PGPEP1: variants seen among roughly 807,000 people sequenced by gnomAD.
PGPEP1 encodes the protein pyroglutamyl-peptidase 1.
A neutral mutation model predicts 24.1 loss-of-function variants in PGPEP1; 15 were observed. The observed-to-expected ratio is 0.62, with a 90% CI of 0.42 to 0.96. The LOEUF (loss-of-function observed/expected upper bound fraction) is 0.96, where lower values mean the gene tolerates loss of function less well. Among genes scored for constraint, PGPEP1 ranks in the 40% least tolerant of loss-of-function variants. The pLI is 0.00. For missense variants in PGPEP1, 242 were observed against 273.4 expected, an observed-to-expected ratio of 0.89 and a Z score of 0.81; for synonymous variants, 122 against 116.4, an observed-to-expected ratio of 1.05 and a Z score of -0.31.
At chr19:18,344,735 G>T (rs1249051191) in intron 2 of PGPEP1, among the ~76,000 whole-genome samples, 1 of 152,148 alleles carries the variant, frequency 6.6e-6, no homozygotes, top group Non-Finnish European at 1.5e-5. Flanking sequence ...TGTTTCTGAA[G>T]ACTTGTGTGT....
At chr19:18,340,781 T>G in intron 1 of PGPEP1, 66 bp downstream of exon 1, 2 of 1,219,152 alleles carry the variant, frequency 1.6e-6, no homozygotes, top group Non-Finnish European at 2.2e-6. Context: ...GCTCCGGGAC[T>G]GCGGGGCCGA....
At chr19:18,344,993 C>T (rs543538197) in intron 2 of PGPEP1, among the ~76,000 whole-genome samples, 2 of 151,990 alleles carry the variant, frequency 1.3e-5, no homozygotes, top group African/African-American at 4.8e-5. Context: ...CTGCAGTTTC[C>T]ACTTTTTGCT....
rs187931140 is a variant in PGPEP1 at position 18,346,131 on chromosome 19, C to T, written c.87+3220C>T. Among the ~76,000 whole-genome samples the T allele has an allele frequency of 5.8e-4, 88 of 152,286 alleles. 1 individual carries two copies. Among genetic ancestry groups the T allele is most frequent in the Non-Finnish European group, 9.6e-4 (65 of 68,026 alleles). On this transcript the variant is annotated intron_variant, in intron 2 of 4. Coordinates refer to ENST00000269919, the MANE Select transcript of PGPEP1 (RefSeq NM_017712.4). ...ACTCCCAAGCCCTCCCGATGTAAACCTCTGCAGACTTTTTTGCGCCAGTAG... is the reference window on the plus strand; with the variant it reads ...ACTCCCAAGCCCTCCCGATGTAAACTTCTGCAGACTTTTTTGCGCCAGTAG...
At chr19:18,358,089 T>G in intron 4 of PGPEP1, 1 of 181,336 alleles carries the variant, frequency 5.5e-6, no homozygotes, top group Non-Finnish European at 1.2e-5. Context: ...GTCCCAGGCC[T>G]CTCTCCTGCA....
At chr19:18,340,801 G>A in intron 1 of PGPEP1, 86 bp downstream of exon 1, 1 of 985,722 alleles carries the variant, frequency 1.0e-6, no homozygotes, top group Non-Finnish European at 1.4e-6. Flanking sequence ...AGAGGGGCAG[G>A]TGCTGGAAGT....
chr19:18,363,371 C>T lies in PGPEP1; in HGVS notation c.438-20C>T, dbSNP rs182355034. 810 of 1,592,682 alleles carry T rather than the reference C, an allele frequency of 5.1e-4. 8 individuals are homozygous for T. Among genetic ancestry groups the T allele is most frequent in the Non-Finnish European group, 4.8e-5 (56 of 1,162,716 alleles). The stretch of plus-strand genomic sequence containing the variant: ...ACCCCGTTTTGGTCTCTCTCTTACC[C>T]GCCACGCCCTGCGGCTTAGATATCT... On this transcript the variant is annotated intron_variant, in intron 4 of 4. Coordinates refer to ENST00000269919, the MANE Select transcript of PGPEP1 (RefSeq NM_017712.4).
chr19:18,361,805 G>A (rs1339327599), intron 4 of PGPEP1: 1 of 985,046 alleles, frequency 1.0e-6, no homozygotes, highest in Non-Finnish European at 1.2e-6. Context: ...GTTTTGCTTT[G>A]CTTTTACGTG....
chr19:18,346,988 C>T (rs1198204040), intron 2 of PGPEP1, among the ~76,000 whole-genome samples: 1 of 148,058 alleles, frequency 6.8e-6, no homozygotes, highest in Non-Finnish European at 1.5e-5. Flanking sequence ...CTCTTTCTGC[C>T]TCTCTCTCTC....
intron 2 of PGPEP1, among the ~76,000 whole-genome samples, chr19:18,351,399 C>T (rs557552162): frequency 5.9e-5 from 9 of 151,510 alleles, no homozygotes; most frequent in East Asian, 2.0e-4. Context: ...CTGAGGCAGG[C>T]GGATCACCTG....
Position 18,355,960 on chromosome 19 carries a change from C to T in PGPEP1, c.153C>T (p.Tyr51=). ...ATGTGTACGAGATTCCGGTTGAGTA[C>T]CAAACAGTCCAGAGACTCATCCCCG... ...DLHVYEIPVE[Y]QTVQRLIPAL... The change falls in exon 3 of 5, where the codon TAC becomes TAT. Residue 51 remains tyrosine, a synonymous_variant. Coordinates refer to ENST00000269919, the MANE Select transcript of PGPEP1 (RefSeq NM_017712.4). The T allele has an allele frequency of 6.2e-7, 1 of 1,613,662 alleles. No individual in the cohort carries two copies. Among genetic ancestry groups the T allele is most frequent in the Non-Finnish European group, 8.5e-7 (1 of 1,179,632 alleles).
At chr19:18,358,732 A>C (rs1971261918) in intron 4 of PGPEP1, among the ~76,000 whole-genome samples, 1 of 151,834 alleles carries the variant, frequency 6.6e-6, no homozygotes, top group African/African-American at 2.4e-5. Flanking sequence ...CTTCTGCTCC[A>C]GGCTACCAAG....
Position 18,365,184 on chromosome 19 carries a change from T to TAG in PGPEP1, c.*1602_*1603dup, listed in dbSNP as rs1971503239. 6.6e-6 allele frequency: 1 copy of TAG among 152,048 alleles called. No individual in the cohort carries two copies. The highest frequency in any genetic ancestry group is 6.6e-5 in the Admixed American group (1 of 15,258). The allele number at this position is 152,048 out of a possible 1,614,324, so 9.4% of individuals were successfully genotyped here. A position where few individuals can be genotyped will look rare whatever the true frequency, so the allele number is the denominator to read the frequency against. ...AGTTCAGCCACATCTTGCTGCCCAT[T>TAG]AGGGAGAGAGGACGACCCCCACAGT... is the stretch of plus-strand genomic sequence containing the variant. On this transcript the variant is annotated 3_prime_UTR_variant, in exon 5 of 5. Coordinates refer to ENST00000269919, the MANE Select transcript of PGPEP1 (RefSeq NM_017712.4).
In PGPEP1 at chr19:18,366,093, G is replaced by T. The variant is rs1971538941; in HGVS notation, c.*2510G>T. ...CTGAAGACTCAGGGGTCACCCAGAG[G>T]TCTGGTGGAAAGCAACTTCAGGTTT... On this transcript the variant is annotated 3_prime_UTR_variant, in exon 5 of 5. Coordinates refer to ENST00000269919, the MANE Select transcript of PGPEP1 (RefSeq NM_017712.4). 6.6e-6 allele frequency: 1 copy of T among 152,144 alleles called. No homozygotes were observed. Among genetic ancestry groups the T allele is most frequent in the Non-Finnish European group, 1.5e-5 (1 of 68,058 alleles). The allele number at this position is 152,144 out of a possible 1,614,324, so 9.4% of individuals were successfully genotyped here.
At position 18,368,467 on chromosome 19, in the gene PGPEP1, C is replaced by T. The variant is rs1971617526; in HGVS notation, c.*4884C>T. On this transcript the variant is annotated 3_prime_UTR_variant, in exon 5 of 5. Transcript: ENST00000269919. ...AAAAAAAAAAAAAAAGAATTCCCTG[C>T]TCTGCTTTTCTGCTCGTTGCTGGCA... 6.6e-6 allele frequency: 1 copy of T among 151,682 alleles called. No individual in the cohort carries two copies. The highest frequency in any genetic ancestry group is 2.1e-4 in the South Asian group (1 of 4,812). 9.4% of individuals were successfully genotyped at this position (151,682 alleles called of 1,614,324 possible). A position where few individuals can be genotyped will look rare whatever the true frequency, so the allele number is the denominator to read the frequency against.
intron 4 of PGPEP1, among the ~76,000 whole-genome samples, chr19:18,363,029 T>TGTTTGTGTGTGTGTG (rs1555713123): frequency 1.7e-5 from 1 of 59,418 alleles, no homozygotes; most frequent in African/African-American, 6.0e-5. Context: ...CAAGTTTTTT[T>TGTTTGTGTGTGTGTG]TGTTTGTGTG....
At chr19:18,342,143 A>G (rs1970688788) in intron 1 of PGPEP1, among the ~76,000 whole-genome samples, 1 of 152,138 alleles carries the variant, frequency 6.6e-6, no homozygotes, top group Non-Finnish European at 1.5e-5. Context: ...TTCTGACCTC[A>G]GGTGATCCGC....
At chr19:18,346,010 A>G (rs1054832129) in intron 2 of PGPEP1, among the ~76,000 whole-genome samples, 7 of 42,316 alleles carry the variant, frequency 1.7e-4, no homozygotes, top group African/African-American at 7.4e-4. Flanking sequence ...GAAATTTTAC[A>G]TATGTGCACC....
At chr19:18,352,266 C>CAAAAAAAAAAAAAAAAAAAAAAAAAAA (rs60299417) in intron 2 of PGPEP1, among the ~76,000 whole-genome samples, 4 of 43,658 alleles carry the variant, frequency 9.2e-5, no homozygotes, top group Admixed American at 3.6e-4. Flanking sequence ...GACTCCGTCT[C>CAAAAAAAAAAAAAAAAAAAAAAAAAAA]AAAAAAAAAA....
intron 2 of PGPEP1, among the ~76,000 whole-genome samples, chr19:18,352,740 A>C (rs1265559434): frequency 5.3e-5 from 8 of 151,452 alleles, no homozygotes; most frequent in Admixed American, 5.3e-4. Context: ...ATTTTTCATA[A>C]AGACAGGGTT....
Sources: gnomAD v4.1 joint callset for allele counts (sites outside exome capture counted in the v4.1 genomes callset) on GRCh38, gnomAD v4.1.1 for gene constraint, MANE v1.5 for transcripts, NCBI Gene and HGNC (gene_info 2026-07-23, HGNC 2026-07-21) for gene names.